PRAG1: variants seen among roughly 807,000 people sequenced by gnomAD.
PRAG1 encodes inactive tyrosine-protein kinase PRAG1.
A neutral mutation model predicts 95.6 loss-of-function variants in PRAG1; 110 were observed. The ratio of observed to expected loss-of-function variants is 1.15; its 90% CI spans 0.99 to 1.35. The LOEUF is 1.35. PRAG1 is among the 40% of genes most tolerant of loss of function. The probability of loss-of-function intolerance (pLI) is 0.00; values close to 1 mark genes in which losing one functional copy is unlikely to be tolerated. For missense variants in PRAG1, 2,554 were observed against 1,864.7 expected (o/e 1.37, Z -6.81); for synonymous variants, 1,052 against 819.4 (o/e 1.28, Z -4.85).
chr8:8,323,162 C>T (rs946863392), intron 5 of PRAG1, among the ~76,000 whole-genome samples: 2 of 152,158 alleles, frequency 1.3e-5, no homozygotes, highest in African/African-American at 4.8e-5. Flanking sequence ...TGGAAACATG[C>T]ACATTGGGTG....
At chr8:8,327,000 A>C (rs1798653675) in intron 5 of PRAG1, among the ~76,000 whole-genome samples, 1 of 152,196 alleles carries the variant, frequency 6.6e-6, no homozygotes, top group African/African-American at 2.4e-5. Context: ...CATTAGAAGA[A>C]TGACCTCATT....
At chr8:8,341,852 G>C (rs1009289068) in intron 3 of PRAG1, among the ~76,000 whole-genome samples, 2 of 152,170 alleles carry the variant, frequency 1.3e-5, no homozygotes, top group African/African-American at 4.8e-5. Flanking sequence ...TAAAATGACG[G>C]CCGGATACGG....
intron 3 of PRAG1, among the ~76,000 whole-genome samples, chr8:8,359,288 G>A (rs1448627732): frequency 6.6e-6 from 1 of 152,198 alleles, no homozygotes; most frequent in Non-Finnish European, 1.5e-5. Flanking sequence ...AGGTGGAGGA[G>A]AGTTAAGATG....
rs753950869 is a variant in PRAG1, at chr8:8,377,761, C to T, written c.648G>A (p.Gly216=). The T allele has an allele frequency of 4.3e-6, 7 of 1,613,994 alleles. No individual in the cohort carries two copies. The highest frequency in any genetic ancestry group is 1.1e-5 in the South Asian group (1 of 91,090). ...GGCCCTGGTGACAGCCAGATGTGGT[C>T]CCAGCAAAGGCAGCCAGTTTCTGGC... ...SFRQKLAAFA[G]TTSGCHQGPG... is the part of the protein sequence containing the mutation. Residue 216 remains glycine (G), a synonymous_variant, in exon 3 of 6, where the codon GGG becomes GGA. Coordinates refer to ENST00000615670, the MANE Select transcript of PRAG1 (RefSeq NM_001080826.3).
intron 3 of PRAG1, among the ~76,000 whole-genome samples, chr8:8,373,348 G>A (rs1339065570): frequency 1.3e-5 from 2 of 152,110 alleles, no homozygotes; most frequent in African/African-American, 4.8e-5. Context: ...AGTAATGCTT[G>A]AGAAATGAAA....
At chr8:8,367,843 A>T (rs947294717) in intron 3 of PRAG1, among the ~76,000 whole-genome samples, 1 of 152,044 alleles carries the variant, frequency 6.6e-6, no homozygotes, top group Non-Finnish European at 1.5e-5. Context: ...GGGTTTCACC[A>T]CGTTAGCCAG....
intron 1 of PRAG1, among the ~76,000 whole-genome samples, chr8:8,385,020 G>C (rs1289785865): frequency 1.3e-5 from 2 of 152,180 alleles, no homozygotes; most frequent in African/African-American, 4.8e-5. Flanking sequence ...AGAATCTGAA[G>C]AATCAAGGTG....
chr8:8,382,845 C>A (rs1008348499), intron 1 of PRAG1, among the ~76,000 whole-genome samples: 2 of 152,138 alleles, frequency 1.3e-5, no homozygotes, highest in Non-Finnish European at 2.9e-5. Flanking sequence ...AGAACTTGGA[C>A]CAGCCCATAG....
At chr8:8,378,212 G>A (rs1023787665) in intron 2 of PRAG1, 134 bp from the exon 3 acceptor site, 43 of 1,023,248 alleles carry the variant, frequency 4.2e-5, no homozygotes, top group Middle Eastern at 3.2e-4. Flanking sequence ...CGCTGGGGCC[G>A]GGGACTCAGT....
At chr8:8,365,790 C>CTATATATATA (rs60657487) in intron 3 of PRAG1, among the ~76,000 whole-genome samples, 3 of 148,548 alleles carry the variant, frequency 2.0e-5, no homozygotes, top group African/African-American at 5.0e-5. Flanking sequence ...TGGTGAAACC[C>CTATATATATA]TATATATATA....
intron 5 of PRAG1, among the ~76,000 whole-genome samples, chr8:8,324,259 T>C (rs988825480): frequency 6.6e-6 from 1 of 152,188 alleles, no homozygotes; most frequent in Non-Finnish European, 1.5e-5. Context: ...CTCAGGGGTA[T>C]GAAAAGCCTG....
intron 5 of PRAG1, 70 bp from the exon 6 acceptor site, chr8:8,319,372 A>T: frequency 7.5e-7 from 1 of 1,332,930 alleles, no homozygotes; most frequent in Non-Finnish European, 1.0e-6. Flanking sequence ...GTGTGGAAAC[A>T]TTTGAGTATC....
intron 3 of PRAG1, among the ~76,000 whole-genome samples, chr8:8,340,296 G>A (rs956218621): frequency 6.6e-6 from 1 of 152,184 alleles, no homozygotes; most frequent in East Asian, 1.9e-4. Context: ...ATCACCAACA[G>A]ATCAAGGACA....
At chr8:8,352,157 T>G (rs989466242) in intron 3 of PRAG1, among the ~76,000 whole-genome samples, 2 of 152,222 alleles carry the variant, frequency 1.3e-5, no homozygotes, top group Admixed American at 1.3e-4. Context: ...GAGAGGTTAT[T>G]TGGACCAAAG....
intron 3 of PRAG1, among the ~76,000 whole-genome samples, chr8:8,368,992 T>A (rs1800104734): frequency 6.6e-6 from 1 of 151,742 alleles, no homozygotes; most frequent in African/African-American, 2.4e-5. Flanking sequence ...TGGAGAGTAA[T>A]TAATCCATGA....
In PRAG1 at chr8:8,376,264, A is replaced by AG. The variant is rs1563255158; in HGVS notation, c.2144dup (p.Pro716SerfsTer17). 3.1e-6 allele frequency: 5 copies of AG among 1,613,620 alleles called. No individual in the cohort carries two copies. Among genetic ancestry groups the AG allele is most frequent in the Non-Finnish European group, 4.2e-6 (5 of 1,179,864 alleles). On this transcript the variant is annotated frameshift_variant, in exon 3 of 6. Coordinates refer to ENST00000615670, the MANE Select transcript of PRAG1 (RefSeq NM_001080826.3). LOFTEE classifies it high-confidence loss of function. The stretch of plus-strand genomic sequence containing the variant: ...GTACTCACCGCGACTTTGGAGGCGG[A>AG]GGAGGAGGTGAGAATGTCTCAATCC...
At chr8:8,323,075 G>C (rs765145301) in intron 5 of PRAG1, among the ~76,000 whole-genome samples, 22 of 152,134 alleles carry the variant, frequency 1.4e-4, no homozygotes, top group Non-Finnish European at 3.2e-4. Flanking sequence ...ACACTAAATA[G>C]ACTGCAAAAA....
rs1198015286 is a variant in PRAG1 at position 8,328,058 on chromosome 8, A to C, written c.2724T>G (p.Pro908=). Residue 908 remains proline, a synonymous_variant, in exon 5 of 6, where the codon CCT becomes CCG. Coordinates refer to ENST00000615670, the MANE Select transcript of PRAG1 (RefSeq NM_001080826.3). ...AGGGGGCCCCTTTGCACTGGAGGCC[A>C]GGGCTCCCGCAGCCGCCTCTGTTGC... ...LAGNRGGCGS[P]GLQCKGAPSA... The C allele has an allele frequency of 3.8e-6, 6 of 1,595,326 alleles. No individual in the cohort carries two copies. The African/African-American group carries it at 4.0e-5, about 11-fold the overall frequency.
intron 3 of PRAG1, among the ~76,000 whole-genome samples, chr8:8,360,289 A>G (rs563755113): frequency 8.5e-5 from 13 of 152,278 alleles, no homozygotes; most frequent in Admixed American, 3.9e-4. Context: ...CCTGTCTTCC[A>G]AGCCCAGGGC....
Sources: allele counts gnomAD v4.1 joint callset (sites outside exome capture counted in the v4.1 genomes callset), GRCh38; gene constraint gnomAD v4.1.1; transcripts MANE v1.5; gene names NCBI Gene and HGNC (gene_info 2026-07-23, HGNC 2026-07-21).